Variants in SPAG7 observed in about 807,000 individuals in gnomAD.
SPAG7 encodes the protein sperm-associated antigen 7.
SPAG7 carries 20 observed loss-of-function variants against 30.6 expected under a neutral mutation model. The observed-to-expected ratio is 0.65, with a 90% CI of 0.46 to 0.95. The LOEUF (loss-of-function observed/expected upper bound fraction) is 0.95. SPAG7 is among the 40% of genes least tolerant of loss of function. The pLI, the probability that SPAG7 is intolerant of heterozygous loss-of-function variation, is 0.00. For missense variants in SPAG7, 276 were observed against 291.1 expected (o/e 0.95, Z 0.38); for synonymous variants, 127 against 104.2 (o/e 1.22, Z -1.33).
rs1312543889 is a variant in SPAG7 at position 4,960,513 on chromosome 17, C to T, written c.188G>A (p.Ser63Asn). The change falls in exon 3 of 7, where the codon AGT (serine) becomes AAT (asparagine). Residue 63 changes from serine to asparagine, a missense_variant. Physicochemically the swap from Ser to Asn is conservative, Grantham distance 46. Coordinates refer to ENST00000206020, the MANE Select transcript of SPAG7 (RefSeq NM_004890.3). ...CTGAAACTTTTTCTTGATCTGCCCA[C>T]TGTCTTGAATGAAATCTGACACCTC... ...EKEVSDFIQDSGQIKKKFQPM... is the reference protein window; with the variant it reads ...EKEVSDFIQDNGQIKKKFQPM... 1 of 1,604,748 alleles carries T rather than the reference C, an allele frequency of 6.2e-7. No individual in the cohort carries two copies. The highest frequency in any genetic ancestry group is 2.2e-5 in the East Asian group (1 of 44,878).
At position 4,959,996 on chromosome 17, in the gene SPAG7, C is replaced by G. The variant is rs749080746; in HGVS notation, c.417+26G>C. ...CCTCCCAGGTGGTGGGCTTCTGGAC[C>G]CCAAGGGCTGCAAAGCATAGCTCAC... is the stretch of plus-strand genomic sequence containing the variant. On this transcript the variant is annotated intron_variant, in intron 5 of 6. Coordinates refer to ENST00000206020, the MANE Select transcript of SPAG7 (RefSeq NM_004890.3). 6.2e-6 allele frequency: 10 copies of G among 1,613,736 alleles called. No homozygotes were observed. The African/African-American group carries it at 1.3e-4, about 22-fold the overall frequency.
At chr17:4,960,416 C>T in intron 3 of SPAG7, 43 bp downstream of exon 3, 1 of 1,598,532 alleles carries the variant, frequency 6.3e-7, no homozygotes, top group Non-Finnish European at 8.6e-7. Context: ...TCATGCCCCG[C>T]TAGCCACCCA....
rs554511561 is a variant in SPAG7, at chr17:4,959,347, A to G, written c.*187T>C. The G allele has an allele frequency of 5.8e-4, 352 of 603,288 alleles. 1 individual carries two copies. The highest frequency in any genetic ancestry group is 5.8e-3 in the African/African-American group (315 of 53,998). 37.4% of individuals were successfully genotyped at this position (603,288 alleles called of 1,614,324 possible). On this transcript the variant is annotated 3_prime_UTR_variant, in exon 7 of 7. Coordinates refer to ENST00000206020, the MANE Select transcript of SPAG7 (RefSeq NM_004890.3). ...TGCATTCACACTCTCACACACACAC[A>G]CACATGCCACGCACATATCCAAGCT...
At chr17:4,962,630 G>A (rs1345922204) in intron 1 of SPAG7, among the ~76,000 whole-genome samples, 1 of 151,866 alleles carries the variant, frequency 6.6e-6, no homozygotes, top group Middle Eastern at 3.2e-3. Context: ...TGTTGCCCAG[G>A]ATGGTATTTT....
rs749877538 is a variant in SPAG7, at chr17:4,959,690, A to T, written c.575-47T>A. Reference sequence around the variant, plus strand: ...GGGCGGGCCTAGAAATCCGTACCTCAGCCTCCACTGCCCTCCTGCCGCATC... The same window carrying T: ...GGGCGGGCCTAGAAATCCGTACCTCTGCCTCCACTGCCCTCCTGCCGCATC... On this transcript the variant is annotated intron_variant, in intron 6 of 6. Coordinates refer to ENST00000206020, the MANE Select transcript of SPAG7 (RefSeq NM_004890.3). The T allele has an allele frequency of 4.3e-6, 7 of 1,613,364 alleles. No individual in the cohort carries two copies. In the East Asian group the frequency reaches 1.6e-4, roughly 36 times the overall value.
At chr17:4,967,605 G>A (rs1371005884) in intron 1 of SPAG7, 115 bp downstream of exon 1, 3 of 794,432 alleles carry the variant, frequency 3.8e-6, no homozygotes, top group East Asian at 4.9e-5. Flanking sequence ...TGAGGGTCTC[G>A]GAAGGGGCCT....
intron 1 of SPAG7, among the ~76,000 whole-genome samples, chr17:4,962,038 G>C (rs1971872405): frequency 6.6e-6 from 1 of 152,188 alleles, no homozygotes; most frequent in South Asian, 2.1e-4. Flanking sequence ...TCCCAGTTTA[G>C]TGGGAGTGAC....
chr17:4,961,329 C>T (rs1314622765), intron 1 of SPAG7, among the ~76,000 whole-genome samples: 2 of 151,674 alleles, frequency 1.3e-5, no homozygotes, highest in Non-Finnish European at 2.9e-5. Flanking sequence ...TGGTGGTGGG[C>T]GCCTATAATT....
At chr17:4,960,375 C>T (rs1971841695) in intron 3 of SPAG7, 57 bp from the exon 4 acceptor site, 1 of 1,603,694 alleles carries the variant, frequency 6.2e-7, no homozygotes, top group African/African-American at 1.3e-5. Context: ...GGCCTAGTGC[C>T]CTCCTCTGGA....
chr17:4,959,461 T>G lies in SPAG7; in HGVS notation c.*73A>C. The G allele has an allele frequency of 8.1e-7, 1 of 1,237,524 alleles. No homozygotes were observed. The highest frequency in any genetic ancestry group is 1.2e-6 in the Non-Finnish European group (1 of 854,028). The allele number at this position is 1,237,524 out of a possible 1,614,324, so 76.7% of individuals were successfully genotyped here. A position where few individuals can be genotyped will look rare whatever the true frequency, so the allele number is the denominator to read the frequency against. On this transcript the variant is annotated 3_prime_UTR_variant, in exon 7 of 7. Coordinates refer to ENST00000206020, the MANE Select transcript of SPAG7 (RefSeq NM_004890.3). The stretch of plus-strand genomic sequence containing the variant: ...TCAGAGGTGGGGCTCCAGGATGGGC[T>G]CTAATAGCAGCAGCCTTGTCTCTCC...
At chr17:4,966,459 C>T in intron 1 of SPAG7, 1 of 498,032 alleles carries the variant, frequency 2.0e-6, no homozygotes, top group Non-Finnish European at 2.6e-6. Flanking sequence ...TCTGTCAATG[C>T]CGGGTGATCC....
intron 1 of SPAG7, chr17:4,967,018 CG>C: frequency 2.0e-6 from 2 of 985,740 alleles, no homozygotes; most frequent in Non-Finnish European, 2.4e-6. Flanking sequence ...CGCCCTACGC[CG>C]GCCGCCGAAC....
intron 1 of SPAG7, chr17:4,967,128 T>C (rs1306125109): frequency 2.6e-5 from 26 of 985,530 alleles, no homozygotes; most frequent in Non-Finnish European, 3.1e-5. Context: ...AACACTACGA[T>C]CCGCCCGGGC....
At chr17:4,963,175 T>C (rs1400579329) in intron 1 of SPAG7, among the ~76,000 whole-genome samples, 4 of 152,070 alleles carry the variant, frequency 2.6e-5, no homozygotes, top group African/African-American at 7.2e-5. Flanking sequence ...GGAGGACTGC[T>C]TGAGGCCAGG....
At chr17:4,961,510 CTT>C (rs1175746310) in intron 1 of SPAG7, among the ~76,000 whole-genome samples, 4 of 150,466 alleles carry the variant, frequency 2.7e-5, no homozygotes. Context: ...AATCCCAGCA[CTT>C]TGGGAGGCCA....
chr17:4,966,438 A>T, intron 1 of SPAG7: 1 of 374,064 alleles, frequency 2.7e-6, no homozygotes, highest in Non-Finnish European at 3.7e-6. Flanking sequence ...TGACTCATTT[A>T]AGCTTCCCAG....
rs73343383 is a variant in SPAG7, at chr17:4,960,279, G to A, written c.282C>T (p.Ser94=). The A allele has an allele frequency of 5.8e-3, 9,319 of 1,614,162 alleles. 439 individuals carry two copies. The African/African-American group carries it at 0.1, about 18-fold the overall frequency. ...AGCGACAGTCATCATCTTCCCCAAA[G>A]GAGAAGGATGTCAGGCCAGCCACTT... The part of the protein sequence containing the change: ...VVEVAGLTSF[S]FGEDDDCRYV... The change falls in exon 4 of 7, where the codon TCC becomes TCT. Residue 94 remains serine, a synonymous_variant. Transcript: ENST00000206020.
chr17:4,959,445 G>A lies in SPAG7; in HGVS notation c.*89C>T, dbSNP rs1971820092. 6.9e-6 allele frequency: 7 copies of A among 1,014,210 alleles called. No homozygotes were observed. The highest frequency in any genetic ancestry group is 6.3e-4 in the Middle Eastern group (2 of 3,172). The allele number at this position is 1,014,210 out of a possible 1,614,324, so 62.8% of individuals were successfully genotyped here. On this transcript the variant is annotated 3_prime_UTR_variant, in exon 7 of 7. Coordinates refer to ENST00000206020, the MANE Select transcript of SPAG7 (RefSeq NM_004890.3). ...GCTGGTAGGAGGTGGTTCAGAGGTGGGGCTCCAGGATGGGCTCTAATAGCA... is the reference window on the plus strand; with the variant it reads ...GCTGGTAGGAGGTGGTTCAGAGGTGAGGCTCCAGGATGGGCTCTAATAGCA...
At position 4,960,958 on chromosome 17, in the gene SPAG7, G is replaced by A. The variant is rs1219930622; in HGVS notation, c.86-105C>T. ...GGTGTCCACTGGGAGGTGTCAGGCTGGGAAGGTAGGATTAGCGTTTATTCA... is the reference window on the plus strand; with the variant it reads ...GGTGTCCACTGGGAGGTGTCAGGCTAGGAAGGTAGGATTAGCGTTTATTCA... On this transcript the variant is annotated intron_variant, in intron 1 of 6. Coordinates refer to ENST00000206020, the MANE Select transcript of SPAG7 (RefSeq NM_004890.3). 3.9e-5 allele frequency: 37 copies of A among 959,028 alleles called. No homozygotes were observed. In the Admixed American group the frequency reaches 3.9e-4, roughly 10 times the overall value. 59.4% of individuals were successfully genotyped at this position (959,028 alleles called of 1,614,324 possible). A position where few individuals can be genotyped will look rare whatever the true frequency, so the allele number is the denominator to read the frequency against.
Sources: allele counts gnomAD v4.1 joint callset (sites outside exome capture counted in the v4.1 genomes callset), GRCh38; gene constraint gnomAD v4.1.1; transcripts MANE v1.5; gene names NCBI Gene and HGNC (gene_info 2026-07-23, HGNC 2026-07-21).